Variants in SSH2 observed in about 807,000 individuals in gnomAD.
The protein encoded by SSH2 is slingshot protein phosphatase 2, also known as protein phosphatase Slingshot homolog 2.
Under a neutral mutation model 135.2 loss-of-function variants are expected in SSH2, and 37 were observed. The ratio of observed to expected loss-of-function variants is 0.27; its 90% confidence interval spans 0.21 to 0.36. The LOEUF is 0.36. SSH2 is among the 10% of genes least tolerant of loss of function. The pLI is 1.00. For synonymous variants in SSH2, 628 were observed against 646.2 expected (o/e 0.97, Z 0.43); for missense variants, 1,408 against 1,765.3 (o/e 0.80, Z 3.63).
chr17:29,664,161 C>G (rs767756196), intron 11 of SSH2, among the ~76,000 whole-genome samples: 1 of 152,106 alleles, frequency 6.6e-6, no homozygotes, highest in Non-Finnish European at 1.5e-5. Context: ...GCGGGAGGAT[C>G]AGGAGTTCAA....
intron 3 of SSH2, among the ~76,000 whole-genome samples, chr17:29,736,822 G>A (rs865838109): frequency 1.8e-4 from 23 of 130,044 alleles, no homozygotes; most frequent in African/African-American, 6.7e-4. Flanking sequence ...AAAATGGGCC[G>A]GGCATGGTGG....
At chr17:29,917,802 C>T (rs894804092) in intron 1 of SSH2, among the ~76,000 whole-genome samples, 2 of 151,752 alleles carry the variant, frequency 1.3e-5, no homozygotes, top group African/African-American at 4.8e-5. Context: ...TTGCAGTGAG[C>T]CGAGATTGCG....
chr17:29,899,475 T>C (rs1022889464), intron 1 of SSH2, among the ~76,000 whole-genome samples: 2 of 152,088 alleles, frequency 1.3e-5, no homozygotes, highest in African/African-American at 2.4e-5. Flanking sequence ...AGCATTCTTA[T>C]ACACCAATAA....
intron 2 of SSH2, among the ~76,000 whole-genome samples, chr17:29,800,670 AT>A (rs1196770199): frequency 2.0e-5 from 3 of 151,764 alleles, no homozygotes; most frequent in Non-Finnish European, 2.9e-5. Flanking sequence ...TTAATTAAAC[AT>A]TTAATTAATT....
intron 3 of SSH2, among the ~76,000 whole-genome samples, chr17:29,720,450 T>C (rs2039783646): frequency 6.6e-6 from 1 of 152,192 alleles, no homozygotes; most frequent in Non-Finnish European, 1.5e-5. Context: ...CTCTTAAAAG[T>C]TCCTCAAAGT....
At chr17:29,799,244 TTGTACG>T (rs2042209470) in intron 2 of SSH2, among the ~76,000 whole-genome samples, 1 of 152,210 alleles carries the variant, frequency 6.6e-6, no homozygotes, top group South Asian at 2.1e-4. Context: ...ATCAGCATTC[TTGTACG>T]TGTCTTTTGG....
At chr17:29,634,534 T>C (rs1346448384) in intron 15 of SSH2, among the ~76,000 whole-genome samples, 2 of 138,824 alleles carry the variant, frequency 1.4e-5, no homozygotes, top group Admixed American at 1.4e-4. Context: ...GGCAAATTCA[T>C]TTCCTTTTGA....
Position 29,669,913 on chromosome 17 carries a change from C to T in SSH2, c.809+2022G>A, listed in dbSNP as rs112320560. Among the ~76,000 whole-genome samples, 461 of 149,320 alleles carry T rather than the reference C, an allele frequency of 3.1e-3. 5 individuals carry two copies. Among genetic ancestry groups the T allele is most frequent in the African/African-American group, 1.0e-2 (405 of 40,538 alleles). On this transcript the variant is annotated intron_variant, in intron 9 of 15. Coordinates refer to ENST00000540801, the MANE Select transcript of SSH2 (RefSeq NM_001282129.2). ...TTTTTTTTTTTTGAGACTGAGTCTC[C>T]CTCTGTCGCCCAGGCTGGAGTGCAG...
At chr17:29,717,874 A>C (rs1354036236) in intron 3 of SSH2, among the ~76,000 whole-genome samples, 2 of 152,184 alleles carry the variant, frequency 1.3e-5, no homozygotes, top group African/African-American at 2.4e-5. Context: ...TCTGAAAAAA[A>C]GGTAGTGGGA....
intron 2 of SSH2, among the ~76,000 whole-genome samples, 157 bp from the exon 3 acceptor site, chr17:29,794,094 A>C (rs1025046240): frequency 6.6e-6 from 1 of 152,202 alleles, no homozygotes; most frequent in Non-Finnish European, 1.5e-5. Flanking sequence ...AGTGACTTCA[A>C]CCAACCCAGG....
intron 14 of SSH2, among the ~76,000 whole-genome samples, chr17:29,638,842 T>C (rs575958989): frequency 1.3e-5 from 2 of 152,234 alleles, no homozygotes; most frequent in Non-Finnish European, 2.9e-5. Context: ...CCACCAAGCC[T>C]GGCCTCTATA....
At chr17:29,705,783 ACTTTT>A (rs1423156424) in intron 3 of SSH2, among the ~76,000 whole-genome samples, 1 of 152,160 alleles carries the variant, frequency 6.6e-6, no homozygotes, top group Non-Finnish European at 1.5e-5. Context: ...TACTTGGAAT[ACTTTT>A]CTTGTGGCCT....
chr17:29,781,473 CTT>C (rs541361010), intron 3 of SSH2, among the ~76,000 whole-genome samples: 93 of 81,834 alleles, frequency 1.1e-3, no homozygotes, highest in Middle Eastern at 0.019. Context: ...CCTGTGTTTT[CTT>C]TTTTTTTTTT....
At chr17:29,881,520 G>A (rs928793491) in intron 1 of SSH2, among the ~76,000 whole-genome samples, 4 of 146,254 alleles carry the variant, frequency 2.7e-5, no homozygotes, top group East Asian at 2.0e-4. Flanking sequence ...CTTTTTTTCC[G>A]AGACAGAGTC....
chr17:29,798,507 A>G (rs938907550), intron 2 of SSH2, among the ~76,000 whole-genome samples: 1 of 152,086 alleles, frequency 6.6e-6, no homozygotes, highest in Non-Finnish European at 1.5e-5. Context: ...AATAGGCCAT[A>G]TTTTTGGCAT....
intron 11 of SSH2, among the ~76,000 whole-genome samples, chr17:29,662,758 A>AT (rs1567854806): frequency 6.6e-6 from 1 of 151,972 alleles, no homozygotes; most frequent in African/African-American, 2.4e-5. Flanking sequence ...CTCATTAGCT[A>AT]TTTTTTCCTG....
chr17:29,823,044 A>T (rs2042680699), intron 2 of SSH2, among the ~76,000 whole-genome samples: 1 of 152,174 alleles, frequency 6.6e-6, no homozygotes, highest in Non-Finnish European at 1.5e-5. Context: ...GAAAAAATAA[A>T]CTTCTTTAGT....
chr17:29,636,369 C>T lies in SSH2; in HGVS notation c.1861G>A (p.Val621Met). The change falls in exon 15 of 16, where the codon GTG (valine) becomes ATG (methionine). Residue 621 changes from valine (V) to methionine (M), a missense_variant. Transcript: ENST00000540801. ...EMANKFPDLT[V>M]EDLETDALKA... ...AGTGCATCTGTCTCCAAATCTTCCACTGTTAAGTCTGGAAACTTGTTGGCC... is the reference window on the plus strand; with the variant it reads ...AGTGCATCTGTCTCCAAATCTTCCATTGTTAAGTCTGGAAACTTGTTGGCC... 1 of 1,614,192 alleles carries T rather than the reference C, an allele frequency of 6.2e-7. No individual in the cohort carries two copies. Among genetic ancestry groups the T allele is most frequent in the Non-Finnish European group, 8.5e-7 (1 of 1,180,030 alleles).
At chr17:29,773,709 C>T (rs1472678988) in intron 3 of SSH2, among the ~76,000 whole-genome samples, 2 of 152,040 alleles carry the variant, frequency 1.3e-5, no homozygotes, top group Non-Finnish European at 2.9e-5. Context: ...TGGAGTTTTG[C>T]TCTTGTTGCT....
Sources: gnomAD v4.1 joint callset for allele counts (sites outside exome capture counted in the v4.1 genomes callset) on GRCh38, gnomAD v4.1.1 for gene constraint, MANE v1.5 for transcripts, NCBI Gene and HGNC (gene_info 2026-07-23, HGNC 2026-07-21) for gene names.